ONECUT2: variants seen among roughly 807,000 people sequenced by gnomAD.
The protein encoded by ONECUT2 is one cut homeobox 2.
Under a neutral mutation model 27.9 loss-of-function variants are expected in ONECUT2, and 10 were observed. That is an observed-to-expected ratio of 0.36 (90% CI 0.22 to 0.61). The LOEUF is 0.61. Among genes scored for constraint, ONECUT2 ranks in the 20% least tolerant of loss-of-function variants. The pLI, the probability that ONECUT2 is intolerant of heterozygous loss-of-function variation, is 0.73. For missense variants in ONECUT2, 686 were observed against 721.0 expected (o/e 0.95, Z 0.56); for synonymous variants, 334 against 315.1 (o/e 1.06, Z -0.64).
chr18:57,472,906 T>A (rs1352407459), intron 1 of ONECUT2, among the ~76,000 whole-genome samples: 1 of 152,170 alleles, frequency 6.6e-6, no homozygotes, highest in Admixed American at 6.5e-5. Flanking sequence ...CCTCAGCCAA[T>A]GTTTGCAGAA....
At position 57,478,841 on chromosome 18, in the gene ONECUT2, G is replaced by C. The variant is rs660948; in HGVS notation, c.*2118G>C. The C allele has an allele frequency of 0.37, 55,702 of 151,854 alleles. 11,147 individuals are homozygous for C. Among genetic ancestry groups the C allele is most frequent in the African/African-American group, 0.54 (22,391 of 41,230 alleles). The allele number at this position is 151,854 out of a possible 1,614,324, so 9.4% of individuals were successfully genotyped here. On this transcript the variant is annotated 3_prime_UTR_variant, in exon 2 of 2. Coordinates refer to ENST00000491143, the MANE Select transcript of ONECUT2 (RefSeq NM_004852.3). The stretch of plus-strand genomic sequence containing the variant: ...AAAATACTAATAGCGCCATTGAACT[G>C]TATAAAGGTAATCAATTATGTTTCT...
intron 1 of ONECUT2, among the ~76,000 whole-genome samples, chr18:57,474,189 C>G (rs760382958): frequency 6.6e-6 from 1 of 152,166 alleles, no homozygotes; most frequent in Non-Finnish European, 1.5e-5. Context: ...TTCAGGGGCT[C>G]TCCTCTTCCT....
chr18:57,452,072 A>G (rs2050233444), intron 1 of ONECUT2, among the ~76,000 whole-genome samples: 1 of 152,202 alleles, frequency 6.6e-6, no homozygotes, highest in Non-Finnish European at 1.5e-5. Flanking sequence ...GACATCAAGG[A>G]TGTCCAATAG....
Position 57,476,590 on chromosome 18 carries a change from A to G in ONECUT2, c.1382A>G (p.Gln461Arg), listed in dbSNP as rs1307620564. The G allele has an allele frequency of 1.7e-5, 27 of 1,614,118 alleles. No individual in the cohort carries two copies. The highest frequency in any genetic ancestry group is 2.1e-5 in the Non-Finnish European group (25 of 1,180,048). Residue 461 changes from glutamine (Q) to arginine (R), a missense_variant, in exon 2 of 2, where the codon CAG (glutamine) becomes CGG (arginine). Physicochemically the swap from Gln to Arg is conservative, Grantham distance 43. Coordinates refer to ENST00000491143, the MANE Select transcript of ONECUT2 (RefSeq NM_004852.3). ...AAGGAGATGCAGATCACCATTTCCCAGCAGCTGGGCCTGGAGCTCACAACC... is the reference window on the plus strand; with the variant it reads ...AAGGAGATGCAGATCACCATTTCCCGGCAGCTGGGCCTGGAGCTCACAACC... ...PSKEMQITIS[Q>R]QLGLELTTVS...
intron 1 of ONECUT2, among the ~76,000 whole-genome samples, chr18:57,446,075 C>T (rs1305266277): frequency 2.0e-5 from 3 of 152,234 alleles, no homozygotes; most frequent in East Asian, 1.9e-4. Flanking sequence ...CCAAAGGTCA[C>T]GCCAGTCAGT....
intron 1 of ONECUT2, among the ~76,000 whole-genome samples, chr18:57,460,033 C>T (rs59733928): frequency 0.044 from 6,744 of 152,196 alleles, 578 homozygotes; most frequent in East Asian, 0.36. Context: ...AGCGATCCTC[C>T]TACAAAAGCT....
intron 1 of ONECUT2, among the ~76,000 whole-genome samples, chr18:57,440,881 G>A (rs778648643): frequency 9.9e-5 from 15 of 152,238 alleles, no homozygotes; most frequent in Non-Finnish European, 7.3e-5. Flanking sequence ...GATCAGAGCT[G>A]GAGAGGCTGA....
intron 1 of ONECUT2, chr18:57,467,231 A>G (rs778325493): frequency 4.4e-6 from 2 of 456,036 alleles, no homozygotes; most frequent in South Asian, 3.1e-5. Context: ...GTAAGTGGAC[A>G]CTGGGGAGTT....
At chr18:57,441,556 A>G (rs538963250) in intron 1 of ONECUT2, among the ~76,000 whole-genome samples, 23 of 152,326 alleles carry the variant, frequency 1.5e-4, no homozygotes, top group Admixed American at 9.8e-4. Flanking sequence ...ACACACCGCT[A>G]CTTGCGCTTC....
intron 1 of ONECUT2, among the ~76,000 whole-genome samples, chr18:57,473,398 G>A (rs1048739885): frequency 3.3e-5 from 5 of 152,208 alleles, no homozygotes; most frequent in Admixed American, 1.3e-4. Flanking sequence ...GAGAAGGAGA[G>A]TATGAAGTGA....
In ONECUT2 at chr18:57,436,083, C is replaced by A. The variant is rs1202749885; in HGVS notation, c.367C>A (p.Leu123Ile). 6.3e-7 allele frequency: 1 copy of A among 1,598,100 alleles called. No individual in the cohort carries two copies. ...ILDGGDYRPE[L>I]SIPLHHAMSM... Reference sequence around the variant, plus strand: ...GGACGGCGGCGACTACCGGCCCGAGCTCTCCATCCCGCTGCACCACGCCAT... The same window carrying A: ...GGACGGCGGCGACTACCGGCCCGAGATCTCCATCCCGCTGCACCACGCCAT... Residue 123 changes from leucine to isoleucine, a missense_variant, in exon 1 of 2, where the codon CTC becomes ATC. Around this residue, in one of 4 missense-constraint regions of ONECUT2, gnomAD observed 511 missense variants for 488.1 expected, o/e 1.05. Coordinates refer to ENST00000491143, the MANE Select transcript of ONECUT2 (RefSeq NM_004852.3). This position sits in a 1 kb window ranked among gnomAD's most constrained non-coding sequence, Gnocchi z 5.9.
chr18:57,487,214 T>A lies in ONECUT2; in HGVS notation c.*10491T>A, dbSNP rs562818007. 11 of 152,730 alleles carry A rather than the reference T, an allele frequency of 7.2e-5. No homozygotes were observed. Among genetic ancestry groups the A allele is most frequent in the Admixed American group, 6.5e-5 (1 of 15,292 alleles). 9.5% of individuals were successfully genotyped at this position (152,730 alleles called of 1,614,324 possible). On this transcript the variant is annotated 3_prime_UTR_variant, in exon 2 of 2. Transcript: ENST00000491143. ...CACATTGAATTGGGTTCCAGCTTTA[T>A]AATGAGAAACGTTATTCCTAATTTT... is the stretch of plus-strand genomic sequence containing the variant.
At chr18:57,475,254 C>T (rs2050375866) in intron 1 of ONECUT2, among the ~76,000 whole-genome samples, 1 of 151,910 alleles carries the variant, frequency 6.6e-6, no homozygotes, top group Non-Finnish European at 1.5e-5. Context: ...GACAGGGTTT[C>T]ACCATGTTGG....
rs2050396013 is a variant in ONECUT2 at position 57,478,268 on chromosome 18, A to C, written c.*1545A>C. 6.6e-6 allele frequency: 1 copy of C among 152,452 alleles called. No individual in the cohort carries two copies. The highest frequency in any genetic ancestry group is 1.5e-5 in the Non-Finnish European group (1 of 68,040). The allele number at this position is 152,452 out of a possible 1,614,324, so 9.4% of individuals were successfully genotyped here. A position where few individuals can be genotyped will look rare whatever the true frequency, so the allele number is the denominator to read the frequency against. ...AACTCTGGGAGATTGCAAAGGTCACAATGTGCATATTTACCAGTGAATGGC... is the reference window on the plus strand; with the variant it reads ...AACTCTGGGAGATTGCAAAGGTCACCATGTGCATATTTACCAGTGAATGGC... On this transcript the variant is annotated 3_prime_UTR_variant, in exon 2 of 2. Coordinates refer to ENST00000491143, the MANE Select transcript of ONECUT2 (RefSeq NM_004852.3).
Position 57,476,952 on chromosome 18 carries a change from T to G in ONECUT2, c.*229T>G. 1.7e-6 allele frequency: 1 copy of G among 572,576 alleles called. No homozygotes were observed. The highest frequency in any genetic ancestry group is 3.1e-6 in the Non-Finnish European group (1 of 326,310). 35.5% of individuals were successfully genotyped at this position (572,576 alleles called of 1,614,324 possible). ...AAGTGCAAGCTGAAAAATTAATCTC[T>G]TAGAACCAGACACTGTTCTCTGAGC... On this transcript the variant is annotated 3_prime_UTR_variant, in exon 2 of 2. Transcript: ENST00000491143.
chr18:57,468,416 A>C (rs1287810789), intron 1 of ONECUT2, among the ~76,000 whole-genome samples: 1 of 152,232 alleles, frequency 6.6e-6, no homozygotes, highest in Non-Finnish European at 1.5e-5. Context: ...TACTGGCTCC[A>C]TGGTCATCTG....
chr18:57,472,201 T>C (rs2050357885), intron 1 of ONECUT2, among the ~76,000 whole-genome samples: 1 of 152,172 alleles, frequency 6.6e-6, no homozygotes. Flanking sequence ...ATTGACACTT[T>C]CCTGGCTGTT....
intron 1 of ONECUT2, among the ~76,000 whole-genome samples, chr18:57,442,092 C>T (rs187269717): frequency 1.8e-3 from 272 of 149,596 alleles, no homozygotes; most frequent in Admixed American, 4.1e-3. Flanking sequence ...TCTTCCTTCC[C>T]GCTTGTGGGG....
rs758452153 is a variant in ONECUT2 at position 57,436,940 on chromosome 18, G to C, written c.1224G>C (p.Leu408=). 12 of 1,593,896 alleles carry C rather than the reference G, an allele frequency of 7.5e-6. No individual in the cohort carries two copies. In the South Asian group the frequency reaches 1.4e-4, roughly 18 times the overall value. Residue 408 remains leucine, a synonymous_variant, in exon 1 of 2, where the codon CTG becomes CTC. Coordinates refer to ENST00000491143, the MANE Select transcript of ONECUT2 (RefSeq NM_004852.3). This position sits in a 1 kb window ranked among gnomAD's most constrained non-coding sequence, Gnocchi z 5.9. The part of the protein sequence containing the change: ...PEFQRMSALR[L]AACKRKEQEP... ...TCCAGCGCATGTCCGCCTTACGCCTGGCAGGTAAGGCCGGGGCTAGCCAGG... is the reference window on the plus strand; with the variant it reads ...TCCAGCGCATGTCCGCCTTACGCCTCGCAGGTAAGGCCGGGGCTAGCCAGG...
Sources: gnomAD v4.1 joint callset for allele counts (sites outside exome capture counted in the v4.1 genomes callset) on GRCh38, gnomAD v4.1.1 for gene constraint, gnomAD v4.1.1 regional missense constraint, Gnocchi (gnomAD v3.1) non-coding constraint, MANE v1.5 for transcripts, NCBI Gene and HGNC (gene_info 2026-07-23, HGNC 2026-07-21) for gene names.